PLCE1: variants seen among roughly 807,000 people sequenced by gnomAD.
PLCE1 encodes the protein 1-phosphatidylinositol 4,5-bisphosphate phosphodiesterase epsilon-1.
Under a neutral mutation model 242.8 loss-of-function variants are expected in PLCE1, and 119 were observed. The observed-to-expected ratio is 0.49, with a 90% CI of 0.42 to 0.57. The LOEUF is 0.57. Ranked by LOEUF, PLCE1 falls within the 20% of genes least tolerant of loss-of-function variation. The pLI is 0.00. For synonymous variants in PLCE1, 945 were observed against 1,017.4 expected (o/e 0.93, Z 1.35); for missense variants, 2,441 against 2,788.8 (o/e 0.88, Z 2.81).
At chr10:94,272,024 G>C (rs1470394106) in intron 18 of PLCE1, among the ~76,000 whole-genome samples, 1 of 152,178 alleles carries the variant, frequency 6.6e-6, no homozygotes, top group Non-Finnish European at 1.5e-5. Flanking sequence ...GGCAAAATCA[G>C]AAACTCCTGA....
chr10:94,156,981 G>A (rs1321299540), intron 3 of PLCE1, among the ~76,000 whole-genome samples: 4 of 152,082 alleles, frequency 2.6e-5, no homozygotes, highest in Non-Finnish European at 5.9e-5. Flanking sequence ...GAGCTGACGA[G>A]TTAAGAACAG....
intron 3 of PLCE1, among the ~76,000 whole-genome samples, chr10:94,169,282 G>T (rs770904104): frequency 6.6e-6 from 1 of 152,118 alleles, no homozygotes; most frequent in African/African-American, 2.4e-5. Context: ...ACATAGTGAA[G>T]GAAAAGATAG....
intron 4 of PLCE1, among the ~76,000 whole-genome samples, chr10:94,190,756 G>C (rs1381280141): frequency 2.0e-5 from 3 of 152,220 alleles, no homozygotes; most frequent in Admixed American, 2.0e-4. Context: ...ATCTAGTTTG[G>C]TACATGTTGG....
At chr10:94,193,241 C>T (rs750507515) in intron 4 of PLCE1, among the ~76,000 whole-genome samples, 4 of 152,040 alleles carry the variant, frequency 2.6e-5, no homozygotes, top group South Asian at 2.1e-4. Flanking sequence ...ACTTGGAGAC[C>T]GCCAACACAA....
intron 16 of PLCE1, among the ~76,000 whole-genome samples, chr10:94,267,202 G>C (rs1440061828): frequency 6.6e-6 from 1 of 152,130 alleles, no homozygotes; most frequent in Non-Finnish European, 1.5e-5. Flanking sequence ...ATATGTGTAA[G>C]TGCATATATA....
chr10:94,053,564 A>G (rs1430975859), intron 2 of PLCE1, among the ~76,000 whole-genome samples: 1 of 152,220 alleles, frequency 6.6e-6, no homozygotes, highest in Non-Finnish European at 1.5e-5. Context: ...TAGCCTTTGC[A>G]TGCACCAGTA....
intron 3 of PLCE1, among the ~76,000 whole-genome samples, chr10:94,148,422 G>A (rs2047180063): frequency 6.6e-6 from 1 of 152,110 alleles, no homozygotes; most frequent in Non-Finnish European, 1.5e-5. Flanking sequence ...AGGCATCCAG[G>A]ACAGCAGCTA....
intron 4 of PLCE1, among the ~76,000 whole-genome samples, chr10:94,211,815 G>A (rs540586171): frequency 1.3e-5 from 2 of 152,278 alleles, no homozygotes; most frequent in East Asian, 3.9e-4. Context: ...AAGGAGGGGT[G>A]TATTTTTGGT....
chr10:94,110,509 T>C (rs779960348), intron 2 of PLCE1, among the ~76,000 whole-genome samples: 4 of 152,236 alleles, frequency 2.6e-5, no homozygotes, highest in Non-Finnish European at 5.9e-5. Context: ...ACTTACACTG[T>C]TGTGAAATCA....
intron 1 of PLCE1, among the ~76,000 whole-genome samples, chr10:93,995,167 G>A (rs138011844): frequency 6.6e-6 from 1 of 152,312 alleles, no homozygotes; most frequent in East Asian, 1.9e-4. Flanking sequence ...GTGGAAGCAG[G>A]TGACCCCATA....
At chr10:94,324,631 C>A in intron 31 of PLCE1, 64 bp downstream of exon 31, 1 of 1,315,844 alleles carries the variant, frequency 7.6e-7, no homozygotes, top group Non-Finnish European at 1.1e-6. Context: ...ACACTGTAGC[C>A]AGATCTGGAA....
intron 2 of PLCE1, among the ~76,000 whole-genome samples, chr10:94,036,961 GA>G (rs1039022560): frequency 4.6e-5 from 7 of 150,936 alleles, no homozygotes; most frequent in African/African-American, 1.7e-4. Context: ...TGACAAAATA[GA>G]AAAAAAACTC....
chr10:94,147,424 A>C (rs1174847560), intron 3 of PLCE1, among the ~76,000 whole-genome samples: 2 of 151,110 alleles, frequency 1.3e-5, no homozygotes, highest in African/African-American at 4.9e-5. Context: ...CTTGCCTTGA[A>C]AGAAAGAAAG....
Position 94,280,214 on chromosome 10 carries a change from C to T in PLCE1, c.4795+303C>T, listed in dbSNP as rs117538346. ...CCTGTTTTCACCCTTTAGTTTCTAG[C>T]GTGGCTGATAATCTTGGCAGGAGTC... On this transcript the variant is annotated intron_variant, in intron 20 of 32. Transcript: ENST00000371380. 15 of 412,900 alleles carry T rather than the reference C, an allele frequency of 3.6e-5. No individual in the cohort carries two copies. The East Asian group carries it at 8.3e-4, about 23-fold the overall frequency. The allele number at this position is 412,900 out of a possible 1,614,324, so 25.6% of individuals were successfully genotyped here.
intron 7 of PLCE1, among the ~76,000 whole-genome samples, chr10:94,242,880 A>T (rs537236335): frequency 6.6e-6 from 1 of 152,346 alleles, no homozygotes; most frequent in African/African-American, 2.4e-5. Flanking sequence ...TCATGAGCTC[A>T]TACTGATACA....
intron 18 of PLCE1, 23 bp downstream of exon 18, chr10:94,270,625 G>A (rs1589449402): frequency 7.3e-7 from 1 of 1,363,318 alleles, no homozygotes; most frequent in Non-Finnish European, 1.1e-6. Flanking sequence ...CAAAAAGGCA[G>A]GATGGTATGT....
At chr10:94,118,136 A>G (rs1196749817) in intron 2 of PLCE1, among the ~76,000 whole-genome samples, 1 of 152,174 alleles carries the variant, frequency 6.6e-6, no homozygotes, top group African/African-American at 2.4e-5. Context: ...AAGAAGTTAC[A>G]ATTTTTTTAA....
chr10:94,319,654 T>C (rs1456697491), intron 29 of PLCE1, among the ~76,000 whole-genome samples: 3 of 152,194 alleles, frequency 2.0e-5, no homozygotes, highest in East Asian at 3.9e-4. Context: ...CTGCCCTAAT[T>C]TGTAAAATCT....
chr10:94,155,418 T>C (rs1050196270), intron 3 of PLCE1, among the ~76,000 whole-genome samples: 1 of 152,184 alleles, frequency 6.6e-6, no homozygotes, highest in Non-Finnish European at 1.5e-5. Flanking sequence ...ATATGAAATG[T>C]CCAGCATGGG....
Sources: gnomAD v4.1 joint callset for allele counts (sites outside exome capture counted in the v4.1 genomes callset) on GRCh38, gnomAD v4.1.1 for gene constraint, MANE v1.5 for transcripts, NCBI Gene and HGNC (gene_info 2026-07-23, HGNC 2026-07-21) for gene names.